Variants in AFAP1 observed in about 807,000 individuals in gnomAD.
AFAP1 encodes actin filament associated protein 1, also known as actin filament-associated protein 1.
In AFAP1, 75 loss-of-function variants were observed where a neutral mutation model predicts 93.9. The ratio of observed to expected loss-of-function variants is 0.80; its 90% CI spans 0.66 to 0.97. The LOEUF is 0.97. AFAP1 is among the 50% of genes least tolerant of loss of function. The pLI is 0.00. For missense variants in AFAP1, 1,201 were observed against 1,050.8 expected, an observed-to-expected ratio of 1.14 and a Z score of -1.98; for synonymous variants, 517 against 430.7, an observed-to-expected ratio of 1.20 and a Z score of -2.48.
At chr4:7,910,874 C>T (rs952898717) in intron 1 of AFAP1, among the ~76,000 whole-genome samples, 1 of 152,178 alleles carries the variant, frequency 6.6e-6, no homozygotes, top group Non-Finnish European at 1.5e-5. Flanking sequence ...GCGGTGAGGG[C>T]GTGCTTGAGA....
intron 1 of AFAP1, among the ~76,000 whole-genome samples, chr4:7,886,568 A>C (rs550220787): frequency 3.9e-4 from 59 of 152,296 alleles, no homozygotes; most frequent in Admixed American, 3.3e-3. Flanking sequence ...TCTTCAAAGG[A>C]ACTGGTGTAA....
chr4:7,862,690 C>T (rs1337025575), intron 3 of AFAP1, among the ~76,000 whole-genome samples: 1 of 152,124 alleles, frequency 6.6e-6, no homozygotes, highest in Non-Finnish European at 1.5e-5. Context: ...CCCTAAAATA[C>T]CAGCGAATTA....
chr4:7,868,899 C>T (rs928812706), intron 2 of AFAP1, among the ~76,000 whole-genome samples, 180 bp from the exon 3 acceptor site: 9 of 144,098 alleles, frequency 6.2e-5, no homozygotes, highest in South Asian at 2.2e-4. Context: ...GGTGAAGAAC[C>T]GACAGCTTAA....
chr4:7,786,847 GA>G (rs1271138159), intron 11 of AFAP1, among the ~76,000 whole-genome samples: 3 of 152,156 alleles, frequency 2.0e-5, no homozygotes, highest in Non-Finnish European at 2.9e-5. Flanking sequence ...GTCTCTTTTG[GA>G]AAAAGTTCGT....
At chr4:7,840,261 G>GGTGT (rs1560191503) in intron 5 of AFAP1, among the ~76,000 whole-genome samples, 1 of 56,192 alleles carries the variant, frequency 1.8e-5, no homozygotes, top group Non-Finnish European at 3.8e-5. Context: ...TTGTTTTTGG[G>GGTGT]ATGTGTGTGT....
In AFAP1 at chr4:7,863,877, G is replaced by A. The variant is rs370180793; in HGVS notation, c.225+4745C>T. Among the ~76,000 whole-genome samples, 18 of 131,656 alleles carry A rather than the reference G, an allele frequency of 1.4e-4. No homozygotes were observed. The East Asian group carries it at 3.4e-3, about 25-fold the overall frequency. 86.4% of individuals were successfully genotyped at this position (131,656 alleles called of 152,430 possible). A position where few individuals can be genotyped will look rare whatever the true frequency, so the allele number is the denominator to read the frequency against. The stretch of plus-strand genomic sequence containing the variant: ...AAGTGCGGTTGTGCTTCAACGCATG[G>A]GAAATAGAACCTAGCTGAAGTAAAT... On this transcript the variant is annotated intron_variant, in intron 3 of 17. Transcript: ENST00000420658.
intron 12 of AFAP1, among the ~76,000 whole-genome samples, chr4:7,785,434 G>A (rs1397017319): frequency 6.6e-6 from 1 of 152,074 alleles, no homozygotes; most frequent in African/African-American, 2.4e-5. Context: ...TCCACCCCAA[G>A]GTAAGCTGTC....
intron 17 of AFAP1, 127 bp from the exon 18 acceptor site, chr4:7,763,918 A>C (rs1432536663): frequency 1.2e-6 from 1 of 835,544 alleles, no homozygotes. Context: ...CAACAGAATC[A>C]ATGACCAATG....
intron 1 of AFAP1, among the ~76,000 whole-genome samples, chr4:7,901,664 C>G (rs369509249): frequency 1.3e-5 from 2 of 152,176 alleles, no homozygotes; most frequent in African/African-American, 4.8e-5. Flanking sequence ...GTGATGAGAA[C>G]GGAAAGGAAT....
At chr4:7,842,867 C>T (rs1464062386) in intron 5 of AFAP1, 2 of 436,110 alleles carry the variant, frequency 4.6e-6, no homozygotes, top group Non-Finnish European at 8.3e-6. Flanking sequence ...CAGACGCAAA[C>T]CACAGGCCCT....
chr4:7,936,478 C>T (rs1319635424), intron 1 of AFAP1, among the ~76,000 whole-genome samples: 1 of 151,824 alleles, frequency 6.6e-6, no homozygotes, highest in Non-Finnish European at 1.5e-5. Context: ...GTGTAAACCA[C>T]AGCACCTGGC....
chr4:7,803,993 A>C (rs1224645496), intron 9 of AFAP1, among the ~76,000 whole-genome samples: 1 of 152,164 alleles, frequency 6.6e-6, no homozygotes, highest in Non-Finnish European at 1.5e-5. Context: ...GGGGAGGCCC[A>C]AAGTTCCTAT....
intron 4 of AFAP1, among the ~76,000 whole-genome samples, chr4:7,850,147 T>C (rs112038642): frequency 3.9e-5 from 6 of 152,302 alleles, no homozygotes; most frequent in African/African-American, 7.2e-5. Context: ...TAGAGAAATA[T>C]AGTAAGTCAT....
intron 1 of AFAP1, among the ~76,000 whole-genome samples, chr4:7,935,577 C>T (rs1280063936): frequency 6.6e-6 from 1 of 152,212 alleles, no homozygotes; most frequent in African/African-American, 2.4e-5. Context: ...AACTTCATCT[C>T]TGACCTTCCA....
intron 9 of AFAP1, among the ~76,000 whole-genome samples, chr4:7,804,474 G>GTGCAC (rs57135161): frequency 6.6e-6 from 1 of 152,026 alleles, no homozygotes; most frequent in African/African-American, 2.4e-5. Context: ...TGTGGCAAGA[G>GTGCAC]GATCATGCTA....
At chr4:7,892,662 T>G (rs1718536587) in intron 1 of AFAP1, among the ~76,000 whole-genome samples, 1 of 151,898 alleles carries the variant, frequency 6.6e-6, no homozygotes, top group Admixed American at 6.6e-5. Context: ...GTGGGTAGAG[T>G]GGAGACAGCA....
chr4:7,852,201 C>T (rs1237929643), intron 4 of AFAP1, among the ~76,000 whole-genome samples: 1 of 152,166 alleles, frequency 6.6e-6, no homozygotes, highest in Non-Finnish European at 1.5e-5. Context: ...AGCCCAGATT[C>T]ACAGCCCAAG....
At chr4:7,932,381 T>A (rs796240570) in intron 1 of AFAP1, among the ~76,000 whole-genome samples, 13 of 152,330 alleles carry the variant, frequency 8.5e-5, no homozygotes, top group African/African-American at 3.1e-4. Context: ...ATTGGGCTTT[T>A]TGCTTCAGCC....
chr4:7,837,285 T>C (rs1712415421), intron 6 of AFAP1, among the ~76,000 whole-genome samples: 1 of 152,152 alleles, frequency 6.6e-6, no homozygotes, highest in African/African-American at 2.4e-5. Flanking sequence ...CCTGAAATCC[T>C]AACCCTCAAG....
Sources: allele counts gnomAD v4.1 joint callset (sites outside exome capture counted in the v4.1 genomes callset), GRCh38; gene constraint gnomAD v4.1.1; transcripts MANE v1.5; gene names NCBI Gene and HGNC (gene_info 2026-07-23, HGNC 2026-07-21).